The following ITGAM variants were observed in gnomAD, a reference collection of about 807,000 sequenced individuals.
ITGAM encodes integrin alpha-M.
In ITGAM, 79 loss-of-function variants were observed where a neutral mutation model predicts 137.5. The observed-to-expected ratio is 0.57, with a 90% CI of 0.48 to 0.69. The LOEUF is 0.69. Ranked by LOEUF, ITGAM falls within the 30% of genes least tolerant of loss-of-function variation. The pLI is 0.00. For synonymous variants in ITGAM, 583 were observed against 592.3 expected (o/e 0.98, Z 0.23); for missense variants, 1,343 against 1,483.5 (o/e 0.91, Z 1.56).
intron 14 of ITGAM, among the ~76,000 whole-genome samples, chr16:31,301,304 C>A (rs2080194858): frequency 6.6e-6 from 1 of 152,084 alleles, no homozygotes; most frequent in African/African-American, 2.4e-5. Flanking sequence ...TTCCCAATAC[C>A]ATTTGTCTAA....
intron 14 of ITGAM, among the ~76,000 whole-genome samples, chr16:31,315,966 G>A (rs1440842266): frequency 4.0e-5 from 6 of 151,352 alleles, no homozygotes; most frequent in Admixed American, 2.6e-4. Flanking sequence ...AGGCTGAGGC[G>A]GGTGGATCAT....
chr16:31,332,500 C>T lies in ITGAM; in HGVS notation c.*793C>T, dbSNP rs1262781967. 6.6e-6 allele frequency: 1 copy of T among 152,166 alleles called. No individual in the cohort carries two copies. Among genetic ancestry groups the T allele is most frequent in the Non-Finnish European group, 1.5e-5 (1 of 68,036 alleles). The allele number at this position is 152,166 out of a possible 1,614,324, so 9.4% of individuals were successfully genotyped here. A position where few individuals can be genotyped will look rare whatever the true frequency, so the allele number is the denominator to read the frequency against. ...ATTCAAGTGTACAGTGAAAAGTCTC[C>T]CTTTCCAGATATTCAAGTCACCTCC... On this transcript the variant is annotated 3_prime_UTR_variant, in exon 30 of 30. Transcript: ENST00000544665.
chr16:31,269,696 G>A (rs1183586835), intron 5 of ITGAM, among the ~76,000 whole-genome samples: 3 of 152,178 alleles, frequency 2.0e-5, no homozygotes, highest in Non-Finnish European at 2.9e-5. Context: ...TGGGCAAGCA[G>A]GTCTGTTGCC....
At chr16:31,330,468 G>A in intron 27 of ITGAM, 36 bp from the exon 28 acceptor site, 4 of 1,610,758 alleles carry the variant, frequency 2.5e-6, no homozygotes, top group African/African-American at 1.3e-5. Context: ...TGGTGCTCAG[G>A]GCCCAGGTGC....
chr16:31,328,296 GTGTGCATGAGTC>G, intron 23 of ITGAM, 66 bp downstream of exon 23: 2 of 1,201,418 alleles, frequency 1.7e-6, no homozygotes, highest in Non-Finnish European at 2.5e-6. Context: ...TTGTGCATCT[GTGTGCATGAGTC>G]TGTGCATGTG....
intron 22 of ITGAM, 97 bp downstream of exon 22, chr16:31,327,032 C>G: frequency 1.1e-6 from 1 of 898,692 alleles, no homozygotes; most frequent in Non-Finnish European, 1.9e-6. Flanking sequence ...CTGGTTCTCC[C>G]TTCAACTCAT....
intron 12 of ITGAM, among the ~76,000 whole-genome samples, chr16:31,286,241 A>G (rs1267836217): frequency 6.6e-6 from 1 of 151,896 alleles, no homozygotes; most frequent in Non-Finnish European, 1.5e-5. Flanking sequence ...TTCTTTTCCA[A>G]TCCACCACTG....
At chr16:31,270,738 TA>T (rs1459725022) in intron 5 of ITGAM, among the ~76,000 whole-genome samples, 16 of 115,126 alleles carry the variant, frequency 1.4e-4, no homozygotes, top group Non-Finnish European at 2.8e-4. Flanking sequence ...TATATATATA[TA>T]TATATGTTTT....
In ITGAM at chr16:31,265,477, T is replaced by G. The variant is rs746544530; in HGVS notation, c.217T>G (p.Cys73Gly). The G allele has an allele frequency of 1.3e-4, 214 of 1,601,310 alleles. No homozygotes were observed. Among genetic ancestry groups the G allele is most frequent in the Non-Finnish European group, 1.8e-4 (208 of 1,174,340 alleles). ...LYQCDYSTGSCEPIRLQVPVE... is the reference protein window; with the variant it reads ...LYQCDYSTGSGEPIRLQVPVE... ...CCAGTGCGACTACAGCACAGGCTCA[T>G]GCGAGCCCATCCGCCTGCAGGGTGA... The change falls in exon 3 of 30, where the codon TGC becomes GGC. Residue 73 changes from cysteine (C) to glycine (G), a missense_variant. Cys to Gly is a radical substitution (Grantham distance 159). Transcript: ENST00000544665.
intron 21 of ITGAM, 55 bp downstream of exon 21, chr16:31,325,677 TTTC>T (rs753297879): frequency 3.7e-5 from 59 of 1,577,344 alleles, no homozygotes; most frequent in Admixed American, 7.7e-5. Flanking sequence ...TGGGGATTCT[TTTC>T]TTCTTCTTCT....
At chr16:31,273,319 T>C (rs1488932935) in intron 7 of ITGAM, 46 bp from the exon 8 acceptor site, 2 of 1,523,342 alleles carry the variant, frequency 1.3e-6, no homozygotes, top group Non-Finnish European at 8.9e-7. Context: ...AAAACTAGTG[T>C]GTCATCTACT....
At chr16:31,289,355 CA>C (rs772364625) in intron 12 of ITGAM, among the ~76,000 whole-genome samples, 107 of 152,256 alleles carry the variant, frequency 7.0e-4, no homozygotes, top group Middle Eastern at 3.4e-3. Flanking sequence ...GGAACCAACC[CA>C]AATGTCCATC....
chr16:31,276,808 T>G, intron 10 of ITGAM, 64 bp downstream of exon 10: 4 of 1,536,860 alleles, frequency 2.6e-6, no homozygotes, highest in Admixed American at 1.8e-5. Flanking sequence ...ATAGGAGAGA[T>G]GTGGGGGTTT....
intron 22 of ITGAM, among the ~76,000 whole-genome samples, chr16:31,327,595 A>AAATAATAATAAT (rs907618848): frequency 1.3e-5 from 2 of 151,014 alleles, no homozygotes; most frequent in African/African-American, 4.9e-5. Context: ...CCCAGTGTCA[A>AAATAATAATAAT]AATAATAATA....
chr16:31,290,341 CA>C (rs1050171524), intron 12 of ITGAM, among the ~76,000 whole-genome samples: 3 of 152,024 alleles, frequency 2.0e-5, no homozygotes, highest in African/African-American at 7.3e-5. Context: ...GATTACACAA[CA>C]TTGTGAAGGT....
At position 31,271,843 on chromosome 16, in the gene ITGAM, G is replaced by T; in HGVS notation, c.559-4G>T. On this transcript the variant is annotated splice_region_variant and splice_polypyrimidine_tract_variant and intron_variant, in intron 6 of 29. Coordinates refer to ENST00000544665, the MANE Select transcript of ITGAM (RefSeq NM_000632.4). ...CAGCATCACACCAGCCGCCCCCTCC[G>T]CAGTTCTCTTTGATGCAGTACTCTG... The T allele has an allele frequency of 6.2e-7, 1 of 1,613,736 alleles. No individual in the cohort carries two copies.
At chr16:31,273,192 A>G (rs1567250661) in intron 7 of ITGAM, among the ~76,000 whole-genome samples, 173 bp from the exon 8 acceptor site, 2 of 151,992 alleles carry the variant, frequency 1.3e-5, no homozygotes, top group Non-Finnish European at 2.9e-5. Context: ...GGTACTCAGG[A>G]GGCTGAGGCA....
At chr16:31,302,400 C>CTT (rs200549150) in intron 14 of ITGAM, among the ~76,000 whole-genome samples, 5 of 143,466 alleles carry the variant, frequency 3.5e-5, no homozygotes, top group African/African-American at 1.3e-4. Flanking sequence ...TTTTTCTTTT[C>CTT]TTTTCTTTTT....
At chr16:31,269,188 C>T (rs954029193) in intron 5 of ITGAM, among the ~76,000 whole-genome samples, 16 of 152,146 alleles carry the variant, frequency 1.1e-4, no homozygotes, top group East Asian at 3.9e-4. Flanking sequence ...GCAGCAAGAT[C>T]GGATGAACCA....
Sources: allele counts gnomAD v4.1 joint callset (sites outside exome capture counted in the v4.1 genomes callset), GRCh38; gene constraint gnomAD v4.1.1; transcripts MANE v1.5; gene names NCBI Gene and HGNC (gene_info 2026-07-23, HGNC 2026-07-21).